HAT1: variants seen among roughly 807,000 people sequenced by gnomAD.
The protein encoded by HAT1 is histone acetyltransferase 1.
Under a neutral mutation model 56.6 loss-of-function variants are expected in HAT1, and 20 were observed. The observed-to-expected ratio is 0.35, with a 90% CI of 0.25 to 0.51. HAT1 has a LOEUF of 0.51. Among genes scored for constraint, HAT1 ranks in the 20% least tolerant of loss-of-function variants. The pLI is 0.95. For missense variants in HAT1, 408 were observed against 504.3 expected (o/e 0.81, Z 1.83); for synonymous variants, 146 against 165.5 (o/e 0.88, Z 0.91).
intron 9 of HAT1, among the ~76,000 whole-genome samples, chr2:171,977,603 A>T (rs572488376): frequency 7.7e-6 from 1 of 129,096 alleles, no homozygotes; most frequent in African/African-American, 2.8e-5. Context: ...TAAAAAAAGA[A>T]TTCAAACTCC....
At chr2:171,960,859 A>AC (rs1687555668) in intron 4 of HAT1, among the ~76,000 whole-genome samples, 1 of 151,800 alleles carries the variant, frequency 6.6e-6, no homozygotes, top group Admixed American at 6.6e-5. Context: ...AAAAAAAAAA[A>AC]TGCTGAACGT....
In HAT1 at chr2:171,965,809, T is replaced by G; in HGVS notation, c.512T>G (p.Phe171Cys). 6.2e-7 allele frequency: 1 copy of G among 1,613,382 alleles called. No homozygotes were observed. Among genetic ancestry groups the G allele is most frequent in the African/African-American group, 1.3e-5 (1 of 75,026 alleles). ...TAGGCTGACATGACATGTAGAGGCTTTCGAGAATATCATGAAAGGCTTCAG... is the reference window on the plus strand; with the variant it reads ...TAGGCTGACATGACATGTAGAGGCTGTCGAGAATATCATGAAAGGCTTCAG... Reference protein sequence around the residue: ...IYKADMTCRGFREYHERLQTF... With the variant: ...IYKADMTCRGCREYHERLQTF... Residue 171 changes from phenylalanine (F) to cysteine (C), a missense_variant, in exon 6 of 11, where the codon TTT (phenylalanine) becomes TGT (cysteine). Transcript: ENST00000264108.
intron 3 of HAT1, among the ~76,000 whole-genome samples, chr2:171,951,498 C>T (rs1337968841): frequency 1.3e-5 from 2 of 151,894 alleles, no homozygotes; most frequent in African/African-American, 4.8e-5. Context: ...CAGCTCACTG[C>T]AGTCTCCACC....
intron 6 of HAT1, 46 bp from the exon 7 acceptor site, chr2:171,966,363 G>A: frequency 1.1e-6 from 1 of 935,298 alleles, no homozygotes; most frequent in Non-Finnish European, 1.8e-6. Flanking sequence ...CACTGCATGG[G>A]AGCGCGACTG....
In HAT1 at chr2:171,966,728, G is replaced by C. The variant is rs888535013; in HGVS notation, c.717-115G>C. ...GATAATTTTTGGGTATCTCAAAGGTGGATTGAAAAAAAGATCACACAAACT... is the reference window on the plus strand; with the variant it reads ...GATAATTTTTGGGTATCTCAAAGGTCGATTGAAAAAAAGATCACACAAACT... On this transcript the variant is annotated intron_variant, in intron 7 of 10. Transcript: ENST00000264108. 5 of 640,950 alleles carry C rather than the reference G, an allele frequency of 7.8e-6. No individual in the cohort carries two copies. The African/African-American group carries it at 9.2e-5, about 12-fold the overall frequency. 39.7% of individuals were successfully genotyped at this position (640,950 alleles called of 1,614,324 possible).
chr2:171,935,019 G>A lies in HAT1; in HGVS notation c.112+9378G>A, dbSNP rs190355265. Among the ~76,000 whole-genome samples, 1,003 of 151,290 alleles carry A rather than the reference G, an allele frequency of 6.6e-3. 7 individuals carry two copies. The highest frequency in any genetic ancestry group is 0.048 in the Middle Eastern group (14 of 294). On this transcript the variant is annotated intron_variant, in intron 2 of 10. Transcript: ENST00000264108. ...GATCCATCTGCCTCGGCCTCCCAAA[G>A]TGCTGGGATTACAGGCGTGAGCCAC...
chr2:171,963,828 G>A (rs898546839), intron 4 of HAT1, among the ~76,000 whole-genome samples: 1 of 152,074 alleles, frequency 6.6e-6, no homozygotes, highest in African/African-American at 2.4e-5. Context: ...TTATCAAATA[G>A]TACTTTAAAA....
Position 171,976,257 on chromosome 2 carries a change from A to T in HAT1, c.924A>T (p.Gly308=). 1 of 1,597,950 alleles carries T rather than the reference A, an allele frequency of 6.3e-7. No homozygotes were observed. The highest frequency in any genetic ancestry group is 8.5e-7 in the Non-Finnish European group (1 of 1,170,862). Residue 308 remains glycine, a synonymous_variant, in exon 9 of 11, where the codon GGA becomes GGT. Coordinates refer to ENST00000264108, the MANE Select transcript of HAT1 (RefSeq NM_003642.4). ...TTTCCCGGGAAAAATTAATGCAAGGATTCAATGAAGATATGGTGATAGAGG... is the reference window on the plus strand; with the variant it reads ...TTTCCCGGGAAAAATTAATGCAAGGTTTCAATGAAGATATGGTGATAGAGG... The part of the protein sequence containing the change: ...PCFSREKLMQ[G]FNEDMVIEAQ...
chr2:171,949,960 CACA>C (rs1427272673), intron 3 of HAT1, among the ~76,000 whole-genome samples: 5 of 152,186 alleles, frequency 3.3e-5, no homozygotes, highest in Non-Finnish European at 7.3e-5. Flanking sequence ...TACTTTCTCA[CACA>C]ACAAGATGTT....
intron 2 of HAT1, among the ~76,000 whole-genome samples, chr2:171,944,275 A>T (rs1213772590): frequency 6.6e-6 from 1 of 152,200 alleles, no homozygotes; most frequent in Non-Finnish European, 1.5e-5. Flanking sequence ...TTTCCCCTAC[A>T]TGACATTGAT....
chr2:171,965,406 CCTTT>C lies in HAT1; in HGVS notation c.383_386del (p.Ser128TyrfsTer38). 3 of 1,611,824 alleles carry C rather than the reference CCTTT, an allele frequency of 1.9e-6. No homozygotes were observed. In the South Asian group the frequency reaches 3.3e-5, roughly 18 times the overall value. ...GATTTTGCACAAACACGAATGATTTCCTTTCTTTACTGGAAAAGGAAGTTGATTT... is the reference window on the plus strand; with the variant it reads ...GATTTTGCACAAACACGAATGATTTCCTTTACTGGAAAAGGAAGTTGATTT... On this transcript the variant is annotated frameshift_variant, in exon 5 of 11. Coordinates refer to ENST00000264108, the MANE Select transcript of HAT1 (RefSeq NM_003642.4). LOFTEE classifies it high-confidence loss of function.
At chr2:171,932,147 G>T (rs866120486) in intron 2 of HAT1, among the ~76,000 whole-genome samples, 10 of 152,148 alleles carry the variant, frequency 6.6e-5, no homozygotes, top group Admixed American at 1.3e-4. Flanking sequence ...AATTAGCCTT[G>T]CATGCCAGTA....
intron 1 of HAT1, chr2:171,922,901 C>T (rs145481067): frequency 9.4e-4 from 189 of 201,562 alleles, no homozygotes; most frequent in Middle Eastern, 6.5e-3. Context: ...TTTTAATGCT[C>T]AGATCCTCCT....
At chr2:171,960,745 T>A (rs968890884) in intron 4 of HAT1, among the ~76,000 whole-genome samples, 1 of 152,098 alleles carries the variant, frequency 6.6e-6, no homozygotes, top group African/African-American at 2.4e-5. Flanking sequence ...CACCTCCTGC[T>A]CTGTGCTTGT....
At chr2:171,972,388 A>C (rs964903886) in intron 8 of HAT1, among the ~76,000 whole-genome samples, 1 of 151,950 alleles carries the variant, frequency 6.6e-6, no homozygotes, top group Non-Finnish European at 1.5e-5. Context: ...CAGACTCCCA[A>C]GTAGCTGGAA....
chr2:171,922,662 A>G (rs970058066), intron 1 of HAT1, 155 bp downstream of exon 1: 1 of 544,838 alleles, frequency 1.8e-6, no homozygotes, highest in Non-Finnish European at 2.9e-6. Flanking sequence ...CTCTCAGCCC[A>G]GCAGCTCCTT....
rs61462189 is a variant in HAT1, at chr2:171,970,496, C to CTTTTTTTT, written c.823+3581_823+3588dup. Among the ~76,000 whole-genome samples the CTTTTTTTT allele has an allele frequency of 2.0e-4, 15 of 74,986 alleles. 1 individual carries two copies. The highest frequency in any genetic ancestry group is 7.4e-4 in the African/African-American group (11 of 14,794). The allele number at this position is 74,986 out of a possible 152,430, so 49.2% of individuals were successfully genotyped here. On this transcript the variant is annotated intron_variant, in intron 8 of 10. Transcript: ENST00000264108. ...TAAATCAGTATTAGCAATGCAGTTT[C>CTTTTTTTT]TTTTTTTTTTTTTTTTTTTTTTTTT... is the stretch of plus-strand genomic sequence containing the variant.
At chr2:171,934,710 T>C (rs777839664) in intron 2 of HAT1, among the ~76,000 whole-genome samples, 4 of 151,386 alleles carry the variant, frequency 2.6e-5, no homozygotes, top group Non-Finnish European at 5.9e-5. Context: ...CAGATGAAAG[T>C]GTGCCACAAA....
intron 3 of HAT1, among the ~76,000 whole-genome samples, chr2:171,950,857 G>A (rs1048362561): frequency 5.3e-5 from 8 of 151,818 alleles, no homozygotes; most frequent in Admixed American, 2.6e-4. Flanking sequence ...CCAGGCTGGA[G>A]TGCAATGAAT....
Sources: gnomAD v4.1 joint callset for allele counts (sites outside exome capture counted in the v4.1 genomes callset) on GRCh38, gnomAD v4.1.1 for gene constraint, MANE v1.5 for transcripts, NCBI Gene and HGNC (gene_info 2026-07-23, HGNC 2026-07-21) for gene names.